FOLH1: variants seen among roughly 807,000 people sequenced by gnomAD.
The protein encoded by FOLH1 is folate hydrolase 1, also known as glutamate carboxypeptidase 2.
In FOLH1, 54 loss-of-function variants were observed where a neutral mutation model predicts 93.9. The ratio of observed to expected loss-of-function variants is 0.57; its 90% confidence interval spans 0.46 to 0.72. FOLH1 has a LOEUF of 0.72. Ranked by LOEUF, FOLH1 falls within the 30% of genes least tolerant of loss-of-function variation. The probability of loss-of-function intolerance (pLI) is 0.00; values close to 1 mark genes in which losing one functional copy is unlikely to be tolerated. For missense variants in FOLH1, 571 were observed against 892.5 expected (o/e 0.64, Z 4.59); for synonymous variants, 249 against 303.6 (o/e 0.82, Z 1.87).
In FOLH1 at chr11:49,208,435, C is replaced by G. The variant is rs780112854; in HGVS notation, c.-26G>C. 6.5e-7 allele frequency: 1 copy of G among 1,530,260 alleles called. No homozygotes were observed. The highest frequency in any genetic ancestry group is 8.9e-7 in the Non-Finnish European group (1 of 1,120,832). 94.8% of individuals were successfully genotyped at this position (1,530,260 alleles called of 1,614,324 possible). A position where few individuals can be genotyped will look rare whatever the true frequency, so the allele number is the denominator to read the frequency against. Reference sequence around the variant, plus strand: ...CTCGGCGCGAGCAGAGCCGGCCTCCCGGGACCCGCGCCTGTGCTGCTGCTC... The same window carrying G: ...CTCGGCGCGAGCAGAGCCGGCCTCCGGGGACCCGCGCCTGTGCTGCTGCTC... On this transcript the variant is annotated 5_prime_UTR_variant, in exon 1 of 19. Coordinates refer to ENST00000256999, the MANE Select transcript of FOLH1 (RefSeq NM_004476.3).
At position 49,200,967 on chromosome 11, in the gene FOLH1, A is replaced by G. The variant is rs2135316775; in HGVS notation, c.225-526T>C. On this transcript the variant is annotated intron_variant, in intron 2 of 18. Transcript: ENST00000256999. ...ACATACCGATACAAGTTCAGAATGAATCTCTTGCACTCCATCTATCATACA... is the reference window on the plus strand; with the variant it reads ...ACATACCGATACAAGTTCAGAATGAGTCTCTTGCACTCCATCTATCATACA... Among the ~76,000 whole-genome samples, 2 of 152,230 alleles carry G rather than the reference A, an allele frequency of 1.3e-5. 1 individual carries two copies. The highest frequency in any genetic ancestry group is 1.3e-4 in the Admixed American group (2 of 15,290).
At chr11:49,189,850 T>C (rs760891281) in intron 4 of FOLH1, among the ~76,000 whole-genome samples, 8 of 152,156 alleles carry the variant, frequency 5.3e-5, no homozygotes, top group Non-Finnish European at 1.2e-4. Context: ...AAATAGAGTA[T>C]ACAAATGGTG....
chr11:49,173,572 C>G, intron 9 of FOLH1, 96 bp from the exon 10 acceptor site: 1 of 819,712 alleles, frequency 1.2e-6, no homozygotes. Context: ...AGCACTCACG[C>G]CTCAGAAAAA....
intron 4 of FOLH1, among the ~76,000 whole-genome samples, chr11:49,188,025 C>A (rs1861608451): frequency 6.6e-6 from 1 of 152,154 alleles, no homozygotes; most frequent in Admixed American, 6.5e-5. Flanking sequence ...GATGTTGATC[C>A]CAAGAGAACA....
chr11:49,159,673 T>C (rs549021033), intron 13 of FOLH1, among the ~76,000 whole-genome samples: 4 of 152,270 alleles, frequency 2.6e-5, no homozygotes, highest in Admixed American at 2.6e-4. Flanking sequence ...TCTCTCCTCC[T>C]AATTATTTGG....
At chr11:49,177,497 G>A (rs1590573551) in intron 7 of FOLH1, among the ~76,000 whole-genome samples, 1 of 151,728 alleles carries the variant, frequency 6.6e-6, no homozygotes, top group East Asian at 1.9e-4. Flanking sequence ...CAGATAATGG[G>A]GGCAACAGAG....
chr11:49,175,822 C>T (rs887925761), intron 8 of FOLH1, 37 bp downstream of exon 8: 9 of 1,547,132 alleles, frequency 5.8e-6, no homozygotes, highest in Non-Finnish European at 7.0e-6. Flanking sequence ...TTTAAGTCTC[C>T]CCCTTAAAAG....
At chr11:49,168,044 C>T (rs1217333314) in intron 12 of FOLH1, among the ~76,000 whole-genome samples, 1 of 138,354 alleles carries the variant, frequency 7.2e-6, no homozygotes, top group Non-Finnish European at 1.6e-5. Flanking sequence ...TCATTTAGTC[C>T]TTTTTTTTTT....
intron 7 of FOLH1, among the ~76,000 whole-genome samples, chr11:49,181,107 A>ATT (rs35889777): frequency 1.1e-4 from 15 of 133,310 alleles, no homozygotes; most frequent in African/African-American, 2.4e-4. Flanking sequence ...CATGTTTTAA[A>ATT]TTTTTTTTTT....
Position 49,200,328 on chromosome 11 carries a change from T to A in FOLH1, c.338A>T (p.Tyr113Phe). ...ATTTGGGTAGGACAACAGGACATCATAATGTGCTAGCTCAACAGAATCCAG... is the reference window on the plus strand; with the variant it reads ...ATTTGGGTAGGACAACAGGACATCAAAATGTGCTAGCTCAACAGAATCCAG... ...FGLDSVELAHYDVLLSYPNKT... is the reference protein window; with the variant it reads ...FGLDSVELAHFDVLLSYPNKT... Residue 113 changes from tyrosine (Y) to phenylalanine (F), a missense_variant, in exon 3 of 19, where the codon TAT becomes TTT. Tyr to Phe is a conservative substitution (Grantham distance 22). Around this residue, in one of 2 missense-constraint regions of FOLH1, gnomAD observed 500 missense variants for 822.9 expected, o/e 0.61. Coordinates refer to ENST00000256999, the MANE Select transcript of FOLH1 (RefSeq NM_004476.3). 6.2e-7 allele frequency: 1 copy of A among 1,613,086 alleles called. No homozygotes were observed. The highest frequency in any genetic ancestry group is 1.3e-5 in the African/African-American group (1 of 75,012).
chr11:49,193,791 G>A (rs1862320685), intron 3 of FOLH1, among the ~76,000 whole-genome samples: 1 of 152,126 alleles, frequency 6.6e-6, no homozygotes, highest in African/African-American at 2.4e-5. Context: ...CCATGAAAAG[G>A]ATTCAGGAGT....
chr11:49,179,730 G>A (rs1195189275), intron 7 of FOLH1, among the ~76,000 whole-genome samples: 4 of 151,888 alleles, frequency 2.6e-5, no homozygotes, highest in African/African-American at 9.7e-5. Flanking sequence ...GCATAAGAAA[G>A]GAAATTACAA....
rs375439459 is a variant in FOLH1, at chr11:49,192,886, G to T, written c.420C>A (p.Asn140Lys). ...GAGGAGGTGGTTCAAATAATGATGT[G>T]TTGAAAATCTAGAGAAACAAAATAT... ...IINEDGNEIFNTSLFEPPPPG... is the reference protein window; with the variant it reads ...IINEDGNEIFKTSLFEPPPPG... The change falls in exon 4 of 19, where the codon AAC (asparagine) becomes AAA (lysine). Residue 140 changes from asparagine to lysine, a missense_variant. Physicochemically the swap from Asn to Lys is moderately conservative, Grantham distance 94 (BLOSUM62 0). Around this residue, in one of 2 missense-constraint regions of FOLH1, gnomAD observed 500 missense variants for 822.9 expected, o/e 0.61. Transcript: ENST00000256999. 56 of 1,576,940 alleles carry T rather than the reference G, an allele frequency of 3.6e-5. No homozygotes were observed. The African/African-American group carries it at 6.3e-4, about 18-fold the overall frequency.
chr11:49,208,228 G>A, intron 1 of FOLH1, 64 bp downstream of exon 1: 5 of 1,210,274 alleles, frequency 4.1e-6, no homozygotes, highest in South Asian at 1.5e-5. Flanking sequence ...GCTGACCCGC[G>A]AGTCCCAGCA....
chr11:49,163,509 C>A (rs1704793844), intron 13 of FOLH1, among the ~76,000 whole-genome samples: 1 of 149,248 alleles, frequency 6.7e-6, no homozygotes, highest in African/African-American at 2.5e-5. Context: ...CTGCCCCCCA[C>A]CACCACCCAA....
At chr11:49,201,267 T>C (rs971760232) in intron 2 of FOLH1, among the ~76,000 whole-genome samples, 33 of 148,780 alleles carry the variant, frequency 2.2e-4, no homozygotes, top group Middle Eastern at 3.5e-3. Flanking sequence ...TATATATATA[T>C]ATATATATAT....
intron 3 of FOLH1, among the ~76,000 whole-genome samples, chr11:49,199,928 A>C (rs1387626006): frequency 1.1e-4 from 16 of 152,108 alleles, no homozygotes; most frequent in African/African-American, 3.9e-4. Flanking sequence ...AAAAAAAGAA[A>C]AAAAGAATCT....
chr11:49,166,370 C>T (rs1858409703), intron 12 of FOLH1, among the ~76,000 whole-genome samples: 1 of 152,204 alleles, frequency 6.6e-6, no homozygotes, highest in Non-Finnish European at 1.5e-5. Flanking sequence ...GGGAAAATTA[C>T]TTAACCTCTC....
chr11:49,173,130 T>C (rs1181616454), intron 10 of FOLH1, among the ~76,000 whole-genome samples: 1 of 152,188 alleles, frequency 6.6e-6, no homozygotes, highest in Non-Finnish European at 1.5e-5. Context: ...GTATAATTCC[T>C]TTATTTCAGA....
Sources: allele counts gnomAD v4.1 joint callset (sites outside exome capture counted in the v4.1 genomes callset), GRCh38; gene constraint gnomAD v4.1.1; regional missense constraint gnomAD v4.1.1; transcripts MANE v1.5; gene names NCBI Gene and HGNC (gene_info 2026-07-23, HGNC 2026-07-21).